The following TRPM1 variants were observed in gnomAD, a reference collection of about 807,000 sequenced individuals.
The protein encoded by TRPM1 is transient receptor potential cation channel subfamily M member 1, also known as TRPM1-203 APA Isoform, Intron 10.
A neutral mutation model predicts 149.4 loss-of-function variants in TRPM1; 113 were observed. That is an observed-to-expected ratio of 0.76 (90% CI 0.65 to 0.88). TRPM1 has a LOEUF of 0.88. Ranked by LOEUF, TRPM1 falls within the 40% of genes least tolerant of loss-of-function variation. The pLI is 0.00. For missense variants in TRPM1, 1,976 were observed against 2,038.7 expected (o/e 0.97, Z 0.59); for synonymous variants, 741 against 759.5 (o/e 0.98, Z 0.40).
chr15:31,106,645 G>A (rs555650195), upstream of TRPM1, among the ~76,000 whole-genome samples: 10 of 152,208 alleles, frequency 6.6e-5, no homozygotes, highest in South Asian at 1.9e-3. Flanking sequence ...TGTGTGGCCC[G>A]AATCCCTGAG....
intron 16 of TRPM1, among the ~76,000 whole-genome samples, chr15:31,043,169 T>G (rs538982246): frequency 6.6e-6 from 1 of 152,266 alleles, no homozygotes; most frequent in Admixed American, 6.5e-5. Flanking sequence ...CTATCTCAGG[T>G]TGTTCACTAC....
chr15:31,159,016 C>G (rs1400753940), intron 1 of TRPM1, among the ~76,000 whole-genome samples: 1 of 152,106 alleles, frequency 6.6e-6, no homozygotes, highest in Non-Finnish European at 1.5e-5. Context: ...CCCCATTTCC[C>G]CAGCCCTCAC....
intron 16 of TRPM1, among the ~76,000 whole-genome samples, chr15:31,044,609 C>T (rs1191116112): frequency 6.6e-6 from 1 of 151,866 alleles, no homozygotes; most frequent in Non-Finnish European, 1.5e-5. Flanking sequence ...GGTGAAGCCC[C>T]ATCTCTACTA....
chr15:31,153,988 A>G (rs1001271049), intron 1 of TRPM1, among the ~76,000 whole-genome samples: 2 of 152,188 alleles, frequency 1.3e-5, no homozygotes, highest in African/African-American at 4.8e-5. Flanking sequence ...CTTGGACCCC[A>G]GTACTCAAAG....
At position 31,070,177 on chromosome 15, in the gene TRPM1, C is replaced by G. The variant is rs776269372; in HGVS notation, c.133G>C (p.Ala45Pro). 46 of 1,613,958 alleles carry G rather than the reference C, an allele frequency of 2.9e-5. 1 individual carries two copies. In the South Asian group the frequency reaches 4.9e-4, roughly 17 times the overall value. ...TCCTCTTCATTTTTGCTGGGTGTTG[C>G]ACTTGGCAGAGGGGGGATATGCTGG... ...TNQHIPPLPSATPSKNEEESK... is the reference protein window; with the variant it reads ...TNQHIPPLPSPTPSKNEEESK... The change falls in exon 4 of 28, where the codon GCA becomes CCA. Residue 45 changes from alanine to proline, a missense_variant. Ala to Pro is a conservative substitution (Grantham distance 27). This residue lies in a region of TRPM1 where 1,332 missense variants were observed against 1,347.1 expected (regional missense o/e 0.99). Coordinates refer to ENST00000256552, the MANE Select transcript of TRPM1 (RefSeq NM_001252024.2).
intron 1 of TRPM1, among the ~76,000 whole-genome samples, chr15:31,144,361 G>A (rs2036196843): frequency 6.6e-6 from 1 of 152,148 alleles, no homozygotes; most frequent in African/African-American, 2.4e-5. Context: ...CACTTGAGCT[G>A]GGGAGGTCAA....
intron 1 of TRPM1, among the ~76,000 whole-genome samples, chr15:31,088,778 C>T (rs902281776): frequency 7.0e-6 from 1 of 143,798 alleles, no homozygotes; most frequent in Non-Finnish European, 1.5e-5. Flanking sequence ...ACCATGGTAT[C>T]AAACACCTGA....
intron 1 of TRPM1, among the ~76,000 whole-genome samples, chr15:31,095,210 G>A (rs1319117164): frequency 6.6e-6 from 1 of 152,216 alleles, no homozygotes; most frequent in Non-Finnish European, 1.5e-5. Flanking sequence ...CAGGGGCAAG[G>A]CCACAGGGAG....
At chr15:31,036,931 C>A (rs1287132406) in intron 20 of TRPM1, among the ~76,000 whole-genome samples, 1 of 152,236 alleles carries the variant, frequency 6.6e-6, no homozygotes, top group Non-Finnish European at 1.5e-5. Flanking sequence ...ATGTCCCATA[C>A]CCTGCTCTCA....
intron 1 of TRPM1, among the ~76,000 whole-genome samples, chr15:31,091,425 C>T (rs936494836): frequency 3.9e-5 from 6 of 152,248 alleles, no homozygotes; most frequent in African/African-American, 1.4e-4. Context: ...AGTCAGTAAG[C>T]GCCTCTCAGA....
chr15:31,033,015 A>G, intron 21 of TRPM1, 75 bp from the exon 22 acceptor site: 1 of 1,597,044 alleles, frequency 6.3e-7, no homozygotes, highest in Non-Finnish European at 8.5e-7. Context: ...TGGAACAATA[A>G]GACTGATGGA....
chr15:31,080,510 AC>A (rs1261477437), intron 2 of TRPM1, among the ~76,000 whole-genome samples: 1 of 152,054 alleles, frequency 6.6e-6, no homozygotes, highest in East Asian at 1.9e-4. Flanking sequence ...GAAATAACCC[AC>A]CTGCGTTCCT....
rs117929757 is a variant in TRPM1 at position 31,057,303 on chromosome 15, G to A, written c.1263+3241C>T. ...CTAAGGCAGAAACAGAAAACCAAAT[G>A]CTGCATATTCTCATAAGTGGGAGCT... On this transcript the variant is annotated intron_variant, in intron 11 of 27. Coordinates refer to ENST00000256552, the MANE Select transcript of TRPM1 (RefSeq NM_001252024.2). Among the ~76,000 whole-genome samples, 43 of 152,250 alleles carry A rather than the reference G, an allele frequency of 2.8e-4. No homozygotes were observed. The East Asian group carries it at 7.5e-3, about 27-fold the overall frequency.
At chr15:31,034,226 A>G (rs1334136439) in intron 21 of TRPM1, among the ~76,000 whole-genome samples, 1 of 152,196 alleles carries the variant, frequency 6.6e-6, no homozygotes, top group African/African-American at 2.4e-5. Flanking sequence ...GTCTGCAGAG[A>G]TTGCTTACTG....
chr15:31,040,129 G>T lies in TRPM1; in HGVS notation c.2305C>A (p.Pro769Thr). ...CACGTTGCACGCACCTTCAGGCCGG[G>T]GTTCTTCCGCATCCGCAGTCTTCCC... ...WMGRLRMRKNPGLKVIMGILL... is the reference protein window; with the variant it reads ...WMGRLRMRKNTGLKVIMGILL... The change falls in exon 18 of 28, where the codon CCC becomes ACC. Residue 769 changes from proline to threonine, a missense_variant. Transcript: ENST00000256552. The surrounding 1 kb of genome is among the most constrained non-coding windows in gnomAD (Gnocchi z 4.2). The T allele has an allele frequency of 6.2e-7, 1 of 1,614,222 alleles. No individual in the cohort carries two copies. Among genetic ancestry groups the T allele is most frequent in the Non-Finnish European group, 8.5e-7 (1 of 1,180,042 alleles).
intron 11 of TRPM1, among the ~76,000 whole-genome samples, chr15:31,059,082 C>CA (rs907130934): frequency 2.0e-5 from 3 of 151,772 alleles, no homozygotes; most frequent in South Asian, 2.1e-4. Context: ...GACTCCATTT[C>CA]AAAAAAAGAA....
chr15:31,058,766 C>T (rs748456834), intron 11 of TRPM1, among the ~76,000 whole-genome samples: 19 of 152,244 alleles, frequency 1.2e-4, no homozygotes, highest in Admixed American at 4.6e-4. Flanking sequence ...TACTCTTTAC[C>T]GTCATAAAGG....
chr15:31,140,874 T>G, intron 1 of TRPM1, among the ~76,000 whole-genome samples: 1 of 152,144 alleles, frequency 6.6e-6, no homozygotes, highest in Non-Finnish European at 1.5e-5. Flanking sequence ...CAGGCTGGAG[T>G]GTGGTGGTGC....
In TRPM1 at chr15:31,118,870, T is replaced by C. The variant is rs117686428; in HGVS notation, c.55-41886A>G. On this transcript the variant is annotated intron_variant, in intron 1 of 26. Transcript: ENST00000542188. ...GATCTCACCTATAATTACCATCACA[T>C]TGGGATTAGGGTTTCAACACATGAA... 6.2e-4 allele frequency among the ~76,000 whole-genome samples: 92 copies of C among 149,070 alleles called. No homozygotes were observed. In the East Asian group the frequency reaches 0.014, roughly 23 times the overall value.
Sources: gnomAD v4.1 joint callset for allele counts (sites outside exome capture counted in the v4.1 genomes callset) on GRCh38, gnomAD v4.1.1 for gene constraint, gnomAD v4.1.1 regional missense constraint, Gnocchi (gnomAD v3.1) non-coding constraint, MANE v1.5 for transcripts, NCBI Gene and HGNC (gene_info 2026-07-23, HGNC 2026-07-21) for gene names.